The following NEIL3 variants were observed in gnomAD, a reference collection of about 807,000 sequenced individuals.
NEIL3 encodes nei like DNA glycosylase 3, also known as endonuclease 8-like 3.
A neutral mutation model predicts 57.5 loss-of-function variants in NEIL3; 48 were observed. The observed-to-expected ratio is 0.83, with a 90% CI of 0.66 to 1.06. The LOEUF is 1.06. Among genes scored for constraint, NEIL3 ranks in the 50% least tolerant of loss-of-function variants. NEIL3 has a pLI of 0.00. For synonymous variants in NEIL3, 261 were observed against 253.2 expected, an observed-to-expected ratio of 1.03 and a Z score of -0.29; for missense variants, 717 against 739.1, an observed-to-expected ratio of 0.97 and a Z score of 0.35.
chr4:177,321,105 A>C (rs1223304084), intron 1 of NEIL3, among the ~76,000 whole-genome samples: 1 of 152,188 alleles, frequency 6.6e-6, no homozygotes, highest in African/African-American at 2.4e-5. Context: ...CTGTAAAATC[A>C]AAAGTTTGAG....
intron 8 of NEIL3, among the ~76,000 whole-genome samples, 160 bp from the exon 9 acceptor site, chr4:177,360,343 G>A (rs148621341): frequency 6.6e-5 from 10 of 152,322 alleles, no homozygotes; most frequent in African/African-American, 2.4e-4. Flanking sequence ...GGAAAACAAA[G>A]AATAAAGACA....
chr4:177,309,898 A>G lies in NEIL3; in HGVS notation c.-56A>G. On this transcript the variant is annotated 5_prime_UTR_variant, in exon 1 of 10. Coordinates refer to ENST00000264596, the MANE Select transcript of NEIL3 (RefSeq NM_018248.3). ...CAGTGCCCGCGCAGCGTTGAGTTGC[A>G]CAGCGGTATTCTCACCAGGCCCTGC... 1.3e-6 allele frequency: 2 copies of G among 1,562,920 alleles called. No homozygotes were observed. The highest frequency in any genetic ancestry group is 1.7e-6 in the Non-Finnish European group (2 of 1,159,206).
intron 7 of NEIL3, among the ~76,000 whole-genome samples, 153 bp from the exon 8 acceptor site, chr4:177,353,155 G>T (rs1735394440): frequency 6.6e-6 from 1 of 152,106 alleles, no homozygotes; most frequent in Non-Finnish European, 1.5e-5. Context: ...GATTAATTCT[G>T]ACTTGTCTGA....
At chr4:177,370,718 C>T in the NEIL3 span, among the ~76,000 whole-genome samples, 4 of 151,954 alleles carry the variant, frequency 2.6e-5, no homozygotes, top group African/African-American at 9.7e-5. Flanking sequence ...CTGGCCAACA[C>T]GGTAAAACCC....
At chr4:177,323,812 C>T (rs1456758452) in intron 2 of NEIL3, among the ~76,000 whole-genome samples, 2 of 152,156 alleles carry the variant, frequency 1.3e-5, no homozygotes, top group South Asian at 2.1e-4. Flanking sequence ...ATCAAGTGCT[C>T]TCCACCAGAC....
At chr4:177,352,778 C>A (rs561888084) in intron 7 of NEIL3, among the ~76,000 whole-genome samples, 10 of 151,096 alleles carry the variant, frequency 6.6e-5, no homozygotes, top group Non-Finnish European at 1.3e-4. Flanking sequence ...TGCAGTGAGC[C>A]GAGATCGCGC....
At chr4:177,365,455 A>G (rs373150826), downstream of NEIL3, among the ~76,000 whole-genome samples, 21 of 152,350 alleles carry the variant, frequency 1.4e-4, no homozygotes, top group African/African-American at 4.6e-4. Flanking sequence ...CAAATGCACA[A>G]CAACACAATA....
At chr4:177,369,706 G>T in the NEIL3 span, among the ~76,000 whole-genome samples, 1 of 152,120 alleles carries the variant, frequency 6.6e-6, no homozygotes, top group African/African-American at 2.4e-5. Context: ...ATCTGCACCA[G>T]CCCTGACTGT....
rs776847301 is a variant in NEIL3, at chr4:177,353,523, T to G, written c.1255T>G (p.Ser419Ala). Reference protein sequence around the residue: ...NQILDEEFQNSPPASVCLNDI... With the variant: ...NQILDEEFQNAPPASVCLNDI... Reference sequence around the variant, plus strand: ...GATACTAGATGAGGAGTTTCAAAACTCTCCTCCTGCTAGTGTTTGTTTGAA... The same window carrying G: ...GATACTAGATGAGGAGTTTCAAAACGCTCCTCCTGCTAGTGTTTGTTTGAA... The change falls in exon 8 of 10, where the codon TCT becomes GCT. Residue 419 changes from serine (S) to alanine (A), a missense_variant. Transcript: ENST00000264596. 5.0e-6 allele frequency: 8 copies of G among 1,612,268 alleles called. No homozygotes were observed. In the South Asian group the frequency reaches 8.8e-5, roughly 18 times the overall value.
rs754256380 is a variant in NEIL3 at position 177,362,652 on chromosome 4, T to C, written c.*181T>C. On this transcript the variant is annotated 3_prime_UTR_variant, in exon 10 of 10. Coordinates refer to ENST00000264596, the MANE Select transcript of NEIL3 (RefSeq NM_018248.3). Reference sequence around the variant, plus strand: ...TCCATTGTTGGCTACGTCTTTTCTTTTGCCTTGATGAACGTTCTATGTATT... The same window carrying C: ...TCCATTGTTGGCTACGTCTTTTCTTCTGCCTTGATGAACGTTCTATGTATT... The C allele has an allele frequency of 2.0e-6, 1 of 500,932 alleles. No individual in the cohort carries two copies. The highest frequency in any genetic ancestry group is 3.5e-6 in the Non-Finnish European group (1 of 289,046). The allele number at this position is 500,932 out of a possible 1,614,324, so 31.0% of individuals were successfully genotyped here. A position where few individuals can be genotyped will look rare whatever the true frequency, so the allele number is the denominator to read the frequency against.
Position 177,344,540 on chromosome 4 carries a change from A to G in NEIL3, c.869+2898A>G, listed in dbSNP as rs565614973. Among the ~76,000 whole-genome samples the G allele has an allele frequency of 2.8e-4, 43 of 151,716 alleles. 1 individual carries two copies. In the South Asian group the frequency reaches 9.0e-3, roughly 32 times the overall value. On this transcript the variant is annotated intron_variant, in intron 6 of 9. Coordinates refer to ENST00000264596, the MANE Select transcript of NEIL3 (RefSeq NM_018248.3). ...ATATCACACTTTTAATACTGATGCT[A>G]TTTATTGTTGGTTCTTTTTTCTTTT...
intron 2 of NEIL3, among the ~76,000 whole-genome samples, chr4:177,328,250 A>G (rs1489463460): frequency 6.6e-6 from 1 of 152,228 alleles, no homozygotes; most frequent in Admixed American, 6.5e-5. Flanking sequence ...GACATAATCT[A>G]ACATTCTTGT....
chr4:177,361,159 C>A (rs920826404), intron 9 of NEIL3, among the ~76,000 whole-genome samples: 3 of 152,164 alleles, frequency 2.0e-5, no homozygotes, highest in Admixed American at 6.5e-5. Flanking sequence ...AAAGTGATGG[C>A]ACCATAGCAA....
At chr4:177,317,796 C>T (rs899296784) in intron 1 of NEIL3, among the ~76,000 whole-genome samples, 1 of 151,652 alleles carries the variant, frequency 6.6e-6, no homozygotes, top group Non-Finnish European at 1.5e-5. Flanking sequence ...GAGTTTTCAT[C>T]ATGTTGGTCA....
chr4:177,352,328 G>A (rs1319626668), intron 7 of NEIL3, among the ~76,000 whole-genome samples: 1 of 152,154 alleles, frequency 6.6e-6, no homozygotes, highest in Non-Finnish European at 1.5e-5. Flanking sequence ...CCTCTTCAGT[G>A]TCCTTCAGCA....
At chr4:177,338,024 TCACA>T (rs35763650) in intron 4 of NEIL3, among the ~76,000 whole-genome samples, 43 of 149,478 alleles carry the variant, frequency 2.9e-4, no homozygotes, top group South Asian at 1.5e-3. Context: ...TCTCTCTCTC[TCACA>T]CACACACACA....
chr4:177,333,632 T>A (rs894884426), intron 2 of NEIL3, among the ~76,000 whole-genome samples: 1 of 152,212 alleles, frequency 6.6e-6, no homozygotes, highest in South Asian at 2.1e-4. Context: ...TTCACTCTGC[T>A]CCTCACTGAA....
chr4:177,325,246 A>T (rs964076230), intron 2 of NEIL3, among the ~76,000 whole-genome samples: 1 of 152,150 alleles, frequency 6.6e-6, no homozygotes, highest in South Asian at 2.1e-4. Context: ...TCCATCATAT[A>T]TTACTTATAA....
chr4:177,335,703 G>C lies in NEIL3; in HGVS notation c.294G>C (p.Met98Ile). 1 of 1,609,068 alleles carries C rather than the reference G, an allele frequency of 6.2e-7. No homozygotes were observed. Among genetic ancestry groups the C allele is most frequent in the Non-Finnish European group, 8.5e-7 (1 of 1,178,048 alleles). ...GPKALRIHFG[M>I]KGFIMINPLE... ...TTTGTTTCAGGATTCATTTCGGAATGAAAGGCTTCATCATGATTAATCCAC... is the reference window on the plus strand; with the variant it reads ...TTTGTTTCAGGATTCATTTCGGAATCAAAGGCTTCATCATGATTAATCCAC... The change falls in exon 3 of 10, where the codon ATG (methionine) becomes ATC (isoleucine). Residue 98 changes from methionine (M) to isoleucine (I), a missense_variant. Coordinates refer to ENST00000264596, the MANE Select transcript of NEIL3 (RefSeq NM_018248.3).
Sources: allele counts gnomAD v4.1 joint callset (sites outside exome capture counted in the v4.1 genomes callset), GRCh38; gene constraint gnomAD v4.1.1; transcripts MANE v1.5; gene names NCBI Gene and HGNC (gene_info 2026-07-23, HGNC 2026-07-21).